Variants in TAOK3 observed in about 807,000 individuals in gnomAD.
The protein encoded by TAOK3 is TAO kinase 3, also known as serine/threonine-protein kinase TAO3.
Under a neutral mutation model 120.4 loss-of-function variants are expected in TAOK3, and 40 were observed. The observed-to-expected ratio is 0.33, with a 90% CI of 0.26 to 0.43. The LOEUF (loss-of-function observed/expected upper bound fraction) is 0.43. Among genes scored for constraint, TAOK3 ranks in the 20% least tolerant of loss-of-function variants. TAOK3 has a pLI of 1.00. For missense variants in TAOK3, 821 were observed against 1,112.1 expected (o/e 0.74, Z 3.72); for synonymous variants, 355 against 387.5 (o/e 0.92, Z 0.99).
At chr12:118,309,153 A>AC (rs2043170200) in intron 1 of TAOK3, among the ~76,000 whole-genome samples, 2 of 151,396 alleles carry the variant, frequency 1.3e-5, no homozygotes, top group Non-Finnish European at 2.9e-5. Context: ...ACGTGGCGAA[A>AC]CCCCATCTCT....
chr12:118,246,615 C>G (rs912656462), intron 3 of TAOK3: 1 of 1,575,784 alleles, frequency 6.3e-7, no homozygotes. Context: ...CGGCAAGCCC[C>G]ACACTGTCCC....
At chr12:118,239,515 T>G (rs2040153187) in intron 5 of TAOK3, among the ~76,000 whole-genome samples, 1 of 152,212 alleles carries the variant, frequency 6.6e-6, no homozygotes, top group Admixed American at 6.5e-5. Context: ...TATAGAAATA[T>G]TCACTATAAA....
intron 17 of TAOK3, among the ~76,000 whole-genome samples, chr12:118,171,665 A>G (rs578262051): frequency 4.8e-4 from 73 of 152,274 alleles, no homozygotes; most frequent in African/African-American, 1.7e-3. Context: ...CTGATGCACT[A>G]ATTCTTCAAA....
intron 1 of TAOK3, among the ~76,000 whole-genome samples, chr12:118,283,196 A>G (rs1316533375): frequency 6.6e-6 from 1 of 152,214 alleles, no homozygotes; most frequent in Admixed American, 6.5e-5. Context: ...TTCTTTCAAC[A>G]TTTATTGGAT....
intron 9 of TAOK3, among the ~76,000 whole-genome samples, chr12:118,222,297 G>A (rs941796764): frequency 6.6e-6 from 1 of 152,152 alleles, no homozygotes; most frequent in Admixed American, 6.5e-5. Flanking sequence ...CACTTTGGGA[G>A]GCCAAGGTCG....
intron 3 of TAOK3, among the ~76,000 whole-genome samples, chr12:118,252,908 AG>A (rs1476252996): frequency 6.6e-6 from 1 of 151,912 alleles, no homozygotes; most frequent in African/African-American, 2.4e-5. Flanking sequence ...TCTATTTTTC[AG>A]TAGAGACGGG....
intron 9 of TAOK3, among the ~76,000 whole-genome samples, chr12:118,224,592 T>A (rs1286948244): frequency 6.6e-6 from 1 of 152,204 alleles, no homozygotes; most frequent in East Asian, 1.9e-4. Flanking sequence ...CTGAATGTAA[T>A]CCTGAAAAAT....
rs547908926 is a variant in TAOK3, at chr12:118,328,429, C to T, written c.-194+44219G>A. ...TAGACAGAAATACGACTAATACAAACGTTACTTTCAGGGAGCTTGCAGTCT... is the reference window on the plus strand; with the variant it reads ...TAGACAGAAATACGACTAATACAAATGTTACTTTCAGGGAGCTTGCAGTCT... On this transcript the variant is annotated intron_variant, in intron 1 of 20. Coordinates refer to ENST00000392533, the MANE Select transcript of TAOK3 (RefSeq NM_016281.4). Among the ~76,000 whole-genome samples, 5 of 152,198 alleles carry T rather than the reference C, an allele frequency of 3.3e-5. No homozygotes were observed. The South Asian group carries it at 6.2e-4, about 19-fold the overall frequency.
Position 118,244,875 on chromosome 12 carries a change from A to T in TAOK3, c.192+19T>A. ...AACTTGTTTATTTCAGTTTAGGTAT[A>T]CAACTGTCTCTATCTCACCTCATGG... On this transcript the variant is annotated intron_variant, in intron 4 of 20. Coordinates refer to ENST00000392533, the MANE Select transcript of TAOK3 (RefSeq NM_016281.4). 6.4e-7 allele frequency: 1 copy of T among 1,574,454 alleles called. No homozygotes were observed.
chr12:118,358,262 G>A (rs963595403), intron 1 of TAOK3, among the ~76,000 whole-genome samples: 1 of 152,140 alleles, frequency 6.6e-6, no homozygotes, highest in Non-Finnish European at 1.5e-5. Flanking sequence ...TGGCCAACAT[G>A]TTTTATTTTT....
chr12:118,288,971 C>G (rs895016454), intron 1 of TAOK3, among the ~76,000 whole-genome samples: 9 of 144,888 alleles, frequency 6.2e-5, no homozygotes, highest in African/African-American at 2.0e-4. Flanking sequence ...TGCTTAGGAA[C>G]TATTTGGACA....
chr12:118,159,146 T>C (rs1035689596), intron 19 of TAOK3, among the ~76,000 whole-genome samples: 4 of 152,140 alleles, frequency 2.6e-5, no homozygotes, highest in African/African-American at 9.7e-5. Flanking sequence ...TATATTTTCC[T>C]CTGTTTGAAC....
intron 12 of TAOK3, 188 bp from the exon 13 acceptor site, chr12:118,199,445 T>C: frequency 1.6e-6 from 1 of 606,962 alleles, no homozygotes. Flanking sequence ...ATTTGCTTCC[T>C]ATGCCTTCCC....
At chr12:118,151,314 C>G (rs946145690) in intron 20 of TAOK3, among the ~76,000 whole-genome samples, 156 bp from the exon 21 acceptor site, 11 of 151,836 alleles carry the variant, frequency 7.2e-5, no homozygotes, top group Non-Finnish European at 1.5e-4. Context: ...CACACACACA[C>G]ACACAGGAAC....
chr12:118,232,697 G>A (rs891391383), intron 9 of TAOK3, among the ~76,000 whole-genome samples: 5 of 152,090 alleles, frequency 3.3e-5, no homozygotes, highest in African/African-American at 1.2e-4. Flanking sequence ...CTTGAGGTTA[G>A]GAGTTTAAGA....
chr12:118,298,625 G>A (rs2140653248), intron 1 of TAOK3, among the ~76,000 whole-genome samples: 1 of 152,240 alleles, frequency 6.6e-6, no homozygotes, highest in East Asian at 1.9e-4. Context: ...AAGATGATAT[G>A]TTATGGGGGA....
At chr12:118,320,696 T>C (rs1244752477) in intron 1 of TAOK3, among the ~76,000 whole-genome samples, 1 of 152,212 alleles carries the variant, frequency 6.6e-6, no homozygotes, top group African/African-American at 2.4e-5. Flanking sequence ...CACTGCTTTA[T>C]ACAACTGCTT....
intron 1 of TAOK3, among the ~76,000 whole-genome samples, chr12:118,309,487 C>G (rs2043183777): frequency 6.6e-6 from 1 of 151,888 alleles, no homozygotes; most frequent in South Asian, 2.1e-4. Flanking sequence ...GCAAATCTAC[C>G]CTCCCTTCTT....
intron 20 of TAOK3, among the ~76,000 whole-genome samples, 177 bp downstream of exon 20, chr12:118,152,050 G>GT (rs1232622501): frequency 6.6e-6 from 1 of 152,142 alleles, no homozygotes; most frequent in Non-Finnish European, 1.5e-5. Flanking sequence ...GTGCCTTGGT[G>GT]TTTCGGTCTG....
Sources: allele counts gnomAD v4.1 joint callset (sites outside exome capture counted in the v4.1 genomes callset), GRCh38; gene constraint gnomAD v4.1.1; transcripts MANE v1.5; gene names NCBI Gene and HGNC (gene_info 2026-07-23, HGNC 2026-07-21).